RPH3AL: variants seen among roughly 807,000 people sequenced by gnomAD.
RPH3AL encodes the protein rab effector Noc2.
RPH3AL carries 38 observed loss-of-function variants against 43.1 expected under a neutral mutation model. That is an observed-to-expected ratio of 0.88 (90% CI 0.68 to 1.15). RPH3AL has a LOEUF of 1.15. Among genes scored for constraint, RPH3AL ranks in the 50% most tolerant of loss-of-function variants. The probability of loss-of-function intolerance (pLI) is 0.00; values close to 1 mark genes in which losing one functional copy is unlikely to be tolerated. For missense variants in RPH3AL, 462 were observed against 423.2 expected (o/e 1.09, Z -0.81); for synonymous variants, 189 against 176.3 (o/e 1.07, Z -0.57).
chr17:318,110 C>T (rs143691426), intron 5 of RPH3AL, among the ~76,000 whole-genome samples: 2,123 of 152,236 alleles, frequency 0.014, 19 homozygotes, highest in Non-Finnish European at 0.022. Context: ...CAGCCAGGCA[C>T]GGTGGCTCAC....
At chr17:309,637 G>GCCCCA (rs1207432363) in intron 5 of RPH3AL, among the ~76,000 whole-genome samples, 14 of 144,754 alleles carry the variant, frequency 9.7e-5, no homozygotes, top group African/African-American at 2.9e-4. Flanking sequence ...CCCCCGTCCA[G>GCCCCA]GGCTCCTGCC....
rs1256834008 is a variant in RPH3AL at position 331,761 on chromosome 17, G to A, written c.-37+1998C>T. The A allele has an allele frequency of 3.1e-6, 4 of 1,289,030 alleles. No individual in the cohort carries two copies. The African/African-American group carries it at 6.1e-5, about 20-fold the overall frequency. 79.8% of individuals were successfully genotyped at this position (1,289,030 alleles called of 1,614,324 possible). A position where few individuals can be genotyped will look rare whatever the true frequency, so the allele number is the denominator to read the frequency against. On this transcript the variant is annotated intron_variant, in intron 2 of 9. Coordinates refer to ENST00000331302, the MANE Select transcript of RPH3AL (RefSeq NM_006987.4). The stretch of plus-strand genomic sequence containing the variant: ...CCACCACTCAGCACTCACCTCTTGG[G>A]CTCAGAGGGCAGAAAGTCTGACCCT...
At chr17:315,721 C>A (rs201191516) in intron 5 of RPH3AL, among the ~76,000 whole-genome samples, 1,050 of 118,254 alleles carry the variant, frequency 8.9e-3, no homozygotes, top group African/African-American at 0.014. Flanking sequence ...TGTGCCCCAC[C>A]TCTATTGACC....
At chr17:269,890 A>G (rs2042421542) in intron 6 of RPH3AL, among the ~76,000 whole-genome samples, 1 of 152,166 alleles carries the variant, frequency 6.6e-6, no homozygotes, top group South Asian at 2.1e-4. Context: ...GGCAAGGGGC[A>G]GGGGAAGATG....
chr17:243,440 A>AC (rs1315015682), intron 7 of RPH3AL, among the ~76,000 whole-genome samples: 10 of 110,296 alleles, frequency 9.1e-5, no homozygotes, highest in Admixed American at 3.6e-4. Context: ...TCTATTGATT[A>AC]CCTTCCTCTA....
Position 349,798 on chromosome 17 carries a change from C to G in RPH3AL, c.-213+2914G>C, listed in dbSNP as rs1160799429. Among the ~76,000 whole-genome samples the G allele has an allele frequency of 5.3e-5, 8 of 152,280 alleles. 1 individual carries two copies. In the South Asian group the frequency reaches 1.2e-3, roughly 24 times the overall value. ...AAATCGAGTCCAGGATTATGCAACT[C>G]TAGTTTTATGTAGTAATAGCAGCAG... On this transcript the variant is annotated intron_variant, in intron 1 of 9. Transcript: ENST00000331302.
At chr17:267,139 C>T (rs2042344051) in intron 6 of RPH3AL, among the ~76,000 whole-genome samples, 1 of 152,254 alleles carries the variant, frequency 6.6e-6, no homozygotes, top group African/African-American at 2.4e-5. Context: ...GCCATCCTCT[C>T]CCTTTGTCCA....
At chr17:270,648 G>C (rs1327405196) in intron 6 of RPH3AL, among the ~76,000 whole-genome samples, 1 of 151,872 alleles carries the variant, frequency 6.6e-6, no homozygotes, top group East Asian at 1.9e-4. Context: ...TCAGGAGTTT[G>C]AGGCCAGCCT....
At chr17:315,562 TG>T in intron 5 of RPH3AL, among the ~76,000 whole-genome samples, 1 of 151,824 alleles carries the variant, frequency 6.6e-6, no homozygotes, top group Non-Finnish European at 1.5e-5. Context: ...GTAGTCCCTG[TG>T]CCCCACCTCC....
intron 5 of RPH3AL, among the ~76,000 whole-genome samples, chr17:307,666 G>T (rs1018504842): frequency 3.3e-5 from 5 of 152,198 alleles, no homozygotes; most frequent in African/African-American, 1.2e-4. Context: ...GCCTTGCCAG[G>T]GATCCGTGTG....
At chr17:336,609 G>C (rs949863792) in intron 1 of RPH3AL, among the ~76,000 whole-genome samples, 1 of 152,118 alleles carries the variant, frequency 6.6e-6, no homozygotes, top group African/African-American at 2.4e-5. Context: ...CCCTCTTCAC[G>C]TACAGCCAGA....
intron 1 of RPH3AL, among the ~76,000 whole-genome samples, chr17:347,421 A>G (rs978266298): frequency 1.3e-5 from 2 of 152,174 alleles, no homozygotes; most frequent in Non-Finnish European, 2.9e-5. Flanking sequence ...TATCTATGAA[A>G]AATAAAAACA....
chr17:264,975 G>A lies in RPH3AL; in HGVS notation c.438+16793C>T, dbSNP rs1451155081. On this transcript the variant is annotated intron_variant, in intron 6 of 9. Transcript: ENST00000331302. This position sits in a 1 kb window ranked among gnomAD's most constrained non-coding sequence, Gnocchi z 4.8. ...TTTGAAAGTAGATATAAAAGAATCA[G>A]TTAACAAAACAAATCTGACCCAAAA... Among the ~76,000 whole-genome samples the A allele has an allele frequency of 6.6e-6, 1 of 152,130 alleles. No homozygotes were observed. The highest frequency in any genetic ancestry group is 2.4e-5 in the African/African-American group (1 of 41,426).
chr17:266,168 T>C (rs1253074789), intron 6 of RPH3AL, among the ~76,000 whole-genome samples: 2 of 152,060 alleles, frequency 1.3e-5, no homozygotes, highest in Non-Finnish European at 2.9e-5. Context: ...ATTCATGTAT[T>C]TGTGTTTTAA....
intron 5 of RPH3AL, among the ~76,000 whole-genome samples, chr17:316,945 G>A (rs1184508102): frequency 0.037 from 4,213 of 114,616 alleles, 1 homozygote; most frequent in Middle Eastern, 0.079. Context: ...CACCTCCATT[G>A]ACCTGTAGTC....
intron 6 of RPH3AL, among the ~76,000 whole-genome samples, chr17:273,900 C>T (rs1015863967): frequency 3.3e-5 from 5 of 152,154 alleles, no homozygotes; most frequent in African/African-American, 1.2e-4. Flanking sequence ...AAAAATTGGT[C>T]TTCTTCACCC....
At chr17:272,490 C>T (rs1289283758) in intron 6 of RPH3AL, among the ~76,000 whole-genome samples, 5 of 150,504 alleles carry the variant, frequency 3.3e-5, no homozygotes, top group Non-Finnish European at 5.9e-5. Context: ...TCATTCTCAG[C>T]AAACTATCGC....
intron 1 of RPH3AL, among the ~76,000 whole-genome samples, chr17:351,160 C>T (rs115583872): frequency 0.033 from 4,983 of 152,278 alleles, 158 homozygotes; most frequent in African/African-American, 0.073. Flanking sequence ...AGGCTGCCCC[C>T]CAAGCCAGTA....
chr17:279,493 G>A (rs1429867820), intron 6 of RPH3AL, among the ~76,000 whole-genome samples: 3 of 152,122 alleles, frequency 2.0e-5, no homozygotes, highest in Admixed American at 1.3e-4. Flanking sequence ...AAGCTATTTC[G>A]GACTTTTCTG....
Sources: gnomAD v4.1 joint callset for allele counts (sites outside exome capture counted in the v4.1 genomes callset) on GRCh38, gnomAD v4.1.1 for gene constraint, Gnocchi (gnomAD v3.1) non-coding constraint, MANE v1.5 for transcripts, NCBI Gene and HGNC (gene_info 2026-07-23, HGNC 2026-07-21) for gene names.